Variants in PRSS8 observed in about 807,000 individuals in gnomAD.
The protein encoded by PRSS8 is prostasin.
Under a neutral mutation model 26.7 loss-of-function variants are expected in PRSS8, and 11 were observed. The ratio of observed to expected loss-of-function variants is 0.41; its 90% CI spans 0.26 to 0.68. PRSS8 has a LOEUF of 0.68. Among genes scored for constraint, PRSS8 ranks in the 30% least tolerant of loss-of-function variants. PRSS8 has a pLI of 0.30. For missense variants in PRSS8, 362 were observed against 443.5 expected (o/e 0.82, Z 1.65); for synonymous variants, 183 against 187.0 (o/e 0.98, Z 0.17).
chr16:31,132,804 T>C lies in PRSS8; in HGVS notation c.416A>G (p.Gln139Arg). Residue 139 changes from glutamine (Q) to arginine (R), a missense_variant, in exon 4 of 6, where the codon CAA becomes CGA. By Grantham distance (43) the Gln-to-Arg change is conservative. Coordinates refer to ENST00000317508, the MANE Select transcript of PRSS8 (RefSeq NM_002773.5). The surrounding 1 kb of genome is among the most constrained non-coding windows in gnomAD (Gnocchi z 5.2). ...EGSQGDIALLQLSRPITFSRY... is the reference protein window; with the variant it reads ...EGSQGDIALLRLSRPITFSRY... ...GGAGAAGGTGATGGGTCTGCTGAGT[T>C]GGAGGAGTGCAATGTCGCCCTGGGA... 7.4e-6 allele frequency: 12 copies of C among 1,613,944 alleles called. No individual in the cohort carries two copies. Among genetic ancestry groups the C allele is most frequent in the Non-Finnish European group, 1.0e-5 (12 of 1,179,866 alleles).
chr16:31,131,659 G>C lies in PRSS8; in HGVS notation c.*350C>G, dbSNP rs2057580481. 6 of 410,032 alleles carry C rather than the reference G, an allele frequency of 1.5e-5. No individual in the cohort carries two copies. Among genetic ancestry groups the C allele is most frequent in the Non-Finnish European group, 2.6e-5 (6 of 227,598 alleles). The allele number at this position is 410,032 out of a possible 1,614,324, so 25.4% of individuals were successfully genotyped here. A position where few individuals can be genotyped will look rare whatever the true frequency, so the allele number is the denominator to read the frequency against. On this transcript the variant is annotated 3_prime_UTR_variant, in exon 6 of 6. Coordinates refer to ENST00000317508, the MANE Select transcript of PRSS8 (RefSeq NM_002773.5). ...GCAGAGAGATGTGCTCATCAGTCTG[G>C]GCAGGCGGGCCGGGAGCAGTCTTCC...
chr16:31,131,766 A>G lies in PRSS8; in HGVS notation c.*243T>C. ...AGGAGCTCGGCCAATGGGCTGGTCC[A>G]TGGTGGGTGAGGGGCCAGAGGCTCT... On this transcript the variant is annotated 3_prime_UTR_variant, in exon 6 of 6. Transcript: ENST00000317508. 3.9e-6 allele frequency: 2 copies of G among 518,668 alleles called. No homozygotes were observed. The highest frequency in any genetic ancestry group is 6.8e-6 in the Non-Finnish European group (2 of 293,386). 32.1% of individuals were successfully genotyped at this position (518,668 alleles called of 1,614,324 possible).
rs1002537285 is a variant in PRSS8 at position 31,135,520 on chromosome 16, G to A, written c.-22C>T. 6.6e-7 allele frequency: 1 copy of A among 1,520,970 alleles called. No individual in the cohort carries two copies. Among genetic ancestry groups the A allele is most frequent in the African/African-American group, 1.4e-5 (1 of 71,152 alleles). The allele number at this position is 1,520,970 out of a possible 1,614,324, so 94.2% of individuals were successfully genotyped here. A position where few individuals can be genotyped will look rare whatever the true frequency, so the allele number is the denominator to read the frequency against. ...CCATGGCCCAGGACAAGGGCCCCTG[G>A]GGCAGACTCCAGGCACGCAAGGTAG... is the stretch of plus-strand genomic sequence containing the variant. On this transcript the variant is annotated 5_prime_UTR_variant, in exon 1 of 6. Coordinates refer to ENST00000317508, the MANE Select transcript of PRSS8 (RefSeq NM_002773.5).
In PRSS8 at chr16:31,133,260, G is replaced by T. The variant is rs1485825702; in HGVS notation, c.232C>A (p.Gln78Lys). 6.2e-7 allele frequency: 1 copy of T among 1,613,980 alleles called. No individual in the cohort carries two copies. Among genetic ancestry groups the T allele is most frequent in the East Asian group, 2.2e-5 (1 of 44,888 alleles). Reference protein sequence around the residue: ...HVCGGSLVSEQWVLSAAHCFP... With the variant: ...HVCGGSLVSEKWVLSAAHCFP... ...CAGTGAGCAGCTGACAGCACCCACT[G>T]CTCAGACACGAGAGAGCCACCACAC... Residue 78 changes from glutamine to lysine, a missense_variant, in exon 3 of 6, where the codon CAG becomes AAG. Transcript: ENST00000317508. This position sits in a 1 kb window ranked among gnomAD's most constrained non-coding sequence, Gnocchi z 4.7.
At position 31,135,457 on chromosome 16, in the gene PRSS8, A is replaced by G; in HGVS notation, c.42T>C (p.Ala14=). The G allele has an allele frequency of 6.3e-7, 1 of 1,591,342 alleles. No individual in the cohort carries two copies. Among genetic ancestry groups the G allele is most frequent in the Non-Finnish European group, 8.6e-7 (1 of 1,169,562 alleles). Reference sequence around the variant, plus strand: ...ATCCAAGATAGAGCAGAATGGCCACAGCCCCCAGCTGCCCAGGCCCCAGGA... The same window carrying G: ...ATCCAAGATAGAGCAGAATGGCCACGGCCCCCAGCTGCCCAGGCCCCAGGA... ...KGVLGPGQLG[A]VAILLYLGLL... The change falls in exon 1 of 6, where the codon GCT becomes GCC. Residue 14 remains alanine, a synonymous_variant. Transcript: ENST00000317508.
rs1567439924 is a variant in PRSS8 at position 31,135,394 on chromosome 16, GC to G, written c.85+19del. The G allele has an allele frequency of 6.3e-7, 1 of 1,584,294 alleles. No homozygotes were observed. The highest frequency in any genetic ancestry group is 2.3e-5 in the East Asian group (1 of 43,056). ...CCCTCCAGTGCATTGTCCCCACCCT[GC>G]CCCCACGTCCTCACTTACCTGTCCC... On this transcript the variant is annotated intron_variant, in intron 1 of 5. Coordinates refer to ENST00000317508, the MANE Select transcript of PRSS8 (RefSeq NM_002773.5).
rs753309978 is a variant in PRSS8 at position 31,132,322 on chromosome 16, C to T, written c.719G>A (p.Gly240Asp). The change falls in exon 6 of 6, where the codon GGC (glycine) becomes GAC (aspartate). Residue 240 changes from glycine (G) to aspartate (D), a missense_variant. Gly to Asp is a moderately conservative substitution (Grantham distance 94). Transcript: ENST00000317508. The surrounding 1 kb of genome is among the most constrained non-coding windows in gnomAD (Gnocchi z 5.2). ...GKDACQGDSG[G>D]PLSCPVEGLW... ...ACCCTCCACAGGGCAGGAGAGTGGGCCCCCAGAGTCACCCTGAGGAGAGAA... is the reference window on the plus strand; with the variant it reads ...ACCCTCCACAGGGCAGGAGAGTGGGTCCCCAGAGTCACCCTGAGGAGAGAA... 20 of 1,613,742 alleles carry T rather than the reference C, an allele frequency of 1.2e-5. No homozygotes were observed. Among genetic ancestry groups the T allele is most frequent in the Non-Finnish European group, 1.7e-5 (20 of 1,179,848 alleles).
In PRSS8 at chr16:31,132,228, G is replaced by A; in HGVS notation, c.813C>T (p.Tyr271=). The change falls in exon 6 of 6, where the codon TAC becomes TAT. Residue 271 remains tyrosine (Y), a synonymous_variant. Coordinates refer to ENST00000317508, the MANE Select transcript of PRSS8 (RefSeq NM_002773.5). The surrounding 1 kb of genome is among the most constrained non-coding windows in gnomAD (Gnocchi z 5.2). ...ACGARNRPGV[Y]TLASSYASWI... is the part of the protein sequence containing the mutation. ...AGGAGGCATAGCTGGAGGCCAGAGT[G>A]TACACACCAGGCCTGTTGCGGGCCC... 1 of 1,613,810 alleles carries A rather than the reference G, an allele frequency of 6.2e-7. No homozygotes were observed. Among genetic ancestry groups the A allele is most frequent in the Non-Finnish European group, 8.5e-7 (1 of 1,179,802 alleles).
chr16:31,132,349 C>A lies in PRSS8; in HGVS notation c.706-14G>T. The A allele has an allele frequency of 3.1e-6, 5 of 1,613,920 alleles. No homozygotes were observed. Among genetic ancestry groups the A allele is most frequent in the Non-Finnish European group, 4.2e-6 (5 of 1,179,864 alleles). On this transcript the variant is annotated splice_polypyrimidine_tract_variant and intron_variant, in intron 5 of 5. Transcript: ENST00000317508. This position sits in a 1 kb window ranked among gnomAD's most constrained non-coding sequence, Gnocchi z 5.2. Reference sequence around the variant, plus strand: ...CCCAGAGTCACCCTGAGGAGAGAAGCCACACAGCAGCCATCAGGACCGGGC... The same window carrying A: ...CCCAGAGTCACCCTGAGGAGAGAAGACACACAGCAGCCATCAGGACCGGGC...
rs1203746360 is a variant in PRSS8 at position 31,135,519 on chromosome 16, G to A, written c.-21C>T. On this transcript the variant is annotated 5_prime_UTR_variant, in exon 1 of 6. Coordinates refer to ENST00000317508, the MANE Select transcript of PRSS8 (RefSeq NM_002773.5). The stretch of plus-strand genomic sequence containing the variant: ...GCCATGGCCCAGGACAAGGGCCCCT[G>A]GGGCAGACTCCAGGCACGCAAGGTA... 6 of 1,521,916 alleles carry A rather than the reference G, an allele frequency of 3.9e-6. No individual in the cohort carries two copies. The African/African-American group carries it at 7.0e-5, about 18-fold the overall frequency. The allele number at this position is 1,521,916 out of a possible 1,614,324, so 94.3% of individuals were successfully genotyped here. A position where few individuals can be genotyped will look rare whatever the true frequency, so the allele number is the denominator to read the frequency against.
At chr16:31,135,287 A>G (rs1264016344) in intron 1 of PRSS8, 116 bp from the exon 2 acceptor site, 1 of 1,585,390 alleles carries the variant, frequency 6.3e-7, no homozygotes, top group South Asian at 1.1e-5. Flanking sequence ...CAAGGTGGGA[A>G]AGAGAGGCCA....
Position 31,135,443 on chromosome 16 carries a change from A to C in PRSS8, c.56T>G (p.Leu19Arg). ...CCCCGACCGGAGTAATCCAAGATAGAGCAGAATGGCCACAGCCCCCAGCTG... is the reference window on the plus strand; with the variant it reads ...CCCCGACCGGAGTAATCCAAGATAGCGCAGAATGGCCACAGCCCCCAGCTG... ...PGQLGAVAILLYLGLLRSGTG... is the reference protein window; with the variant it reads ...PGQLGAVAILRYLGLLRSGTG... The change falls in exon 1 of 6, where the codon CTC becomes CGC. Residue 19 changes from leucine to arginine, a missense_variant. Coordinates refer to ENST00000317508, the MANE Select transcript of PRSS8 (RefSeq NM_002773.5). 1 of 1,594,002 alleles carries C rather than the reference A, an allele frequency of 6.3e-7. No individual in the cohort carries two copies. The highest frequency in any genetic ancestry group is 8.5e-7 in the Non-Finnish European group (1 of 1,170,892).
At position 31,135,147 on chromosome 16, in the gene PRSS8, G is replaced by A. The variant is rs2057598787; in HGVS notation, c.103+7C>T. Reference sequence around the variant, plus strand: ...CTCCCCTCCTCCCTCTCCGAGGAAAGTCTCACCTTCTGCCCCTTCCGCTCC... The same window carrying A: ...CTCCCCTCCTCCCTCTCCGAGGAAAATCTCACCTTCTGCCCCTTCCGCTCC... On this transcript the variant is annotated splice_region_variant and intron_variant, in intron 2 of 5. Transcript: ENST00000317508. 1.2e-5 allele frequency: 19 copies of A among 1,612,580 alleles called. No individual in the cohort carries two copies. Among genetic ancestry groups the A allele is most frequent in the East Asian group, 2.2e-5 (1 of 44,870 alleles).
In PRSS8 at chr16:31,133,214, A is replaced by G. The variant is rs778312440; in HGVS notation, c.266+12T>C. The G allele has an allele frequency of 3.7e-6, 6 of 1,613,592 alleles. No homozygotes were observed. The highest frequency in any genetic ancestry group is 1.7e-5 in the Admixed American group (1 of 59,992). On this transcript the variant is annotated intron_variant, in intron 3 of 5. Coordinates refer to ENST00000317508, the MANE Select transcript of PRSS8 (RefSeq NM_002773.5). This position sits in a 1 kb window ranked among gnomAD's most constrained non-coding sequence, Gnocchi z 4.7. ...GACCTCCAGCCCACTTTTGACTTTC[A>G]CCATTTGGTACCTGGGGAAGCAGTG...
rs1015545105 is a variant in PRSS8 at position 31,133,816 on chromosome 16, T to C, written c.104-428A>G. Among the ~76,000 whole-genome samples, 57 of 152,164 alleles carry C rather than the reference T, an allele frequency of 3.7e-4. No homozygotes were observed. On this transcript the variant is annotated intron_variant, in intron 2 of 5. Coordinates refer to ENST00000317508, the MANE Select transcript of PRSS8 (RefSeq NM_002773.5). The surrounding 1 kb of genome is among the most constrained non-coding windows in gnomAD (Gnocchi z 4.7). Reference sequence around the variant, plus strand: ...GGACCTTGGCTGATCCAGGTCACTCTACCTGGTATGCCCTTCCCCATCCTT... The same window carrying C: ...GGACCTTGGCTGATCCAGGTCACTCCACCTGGTATGCCCTTCCCCATCCTT...
At position 31,132,886 on chromosome 16, in the gene PRSS8, C is replaced by T. The variant is rs770219159; in HGVS notation, c.334G>A (p.Ala112Thr). ...AHQLDSYSED[A>T]KVSTLKDIIP... is the part of the protein sequence containing the mutation. ...ATGTCCTTCAGGGTGCTGACCTTGG[C>T]GTCCTCGGAGTAGGAGTCTAGCTGG... Residue 112 changes from alanine (A) to threonine (T), a missense_variant, in exon 4 of 6, where the codon GCC (alanine) becomes ACC (threonine). Ala to Thr is a moderately conservative substitution (Grantham distance 58). Coordinates refer to ENST00000317508, the MANE Select transcript of PRSS8 (RefSeq NM_002773.5). This position sits in a 1 kb window ranked among gnomAD's most constrained non-coding sequence, Gnocchi z 5.2. 22 of 1,613,624 alleles carry T rather than the reference C, an allele frequency of 1.4e-5. No individual in the cohort carries two copies. The highest frequency in any genetic ancestry group is 1.1e-4 in the East Asian group (5 of 44,890).
At chr16:31,134,968 G>A (rs2057597852) in intron 2 of PRSS8, 186 bp downstream of exon 2, 2 of 669,780 alleles carry the variant, frequency 3.0e-6, no homozygotes, top group Admixed American at 5.9e-5. Flanking sequence ...TTCACTGGCA[G>A]TGTGCCCTGG....
At chr16:31,135,073 G>T in intron 2 of PRSS8, 81 bp downstream of exon 2, 2 of 1,531,056 alleles carry the variant, frequency 1.3e-6, no homozygotes, top group Non-Finnish European at 8.9e-7. Flanking sequence ...CCAGCTGAAG[G>T]CCAGGCACTG....
chr16:31,132,106 A>T lies in PRSS8; in HGVS notation c.935T>A (p.Phe312Tyr), dbSNP rs1346406237. 1 of 1,612,208 alleles carries T rather than the reference A, an allele frequency of 6.2e-7. No homozygotes were observed. The highest frequency in any genetic ancestry group is 2.2e-5 in the East Asian group (1 of 44,820). The part of the protein sequence containing the change: ...DSNLCGSHLA[F>Y]SSAPAQGLLR... ...CAAGCCCTGGGCTGGGGCAGAGCTG[A>T]AGGCCAGGTGGCTGCCACAGAGGTT... Residue 312 changes from phenylalanine (F) to tyrosine (Y), a missense_variant, in exon 6 of 6, where the codon TTC becomes TAC. Coordinates refer to ENST00000317508, the MANE Select transcript of PRSS8 (RefSeq NM_002773.5). This position sits in a 1 kb window ranked among gnomAD's most constrained non-coding sequence, Gnocchi z 5.2.
Sources: gnomAD v4.1 joint callset for allele counts (sites outside exome capture counted in the v4.1 genomes callset) on GRCh38, gnomAD v4.1.1 for gene constraint, Gnocchi (gnomAD v3.1) non-coding constraint, MANE v1.5 for transcripts, NCBI Gene and HGNC (gene_info 2026-07-23, HGNC 2026-07-21) for gene names.